SEMA6A: variants seen among roughly 807,000 people sequenced by gnomAD.
The protein encoded by SEMA6A is semaphorin 6A, also known as semaphorin-6A.
A neutral mutation model predicts 96.8 loss-of-function variants in SEMA6A; 25 were observed. The ratio of observed to expected loss-of-function variants is 0.26; its 90% CI spans 0.19 to 0.36. The LOEUF (loss-of-function observed/expected upper bound fraction) is 0.36. SEMA6A is among the 10% of genes least tolerant of loss of function. SEMA6A has a pLI of 1.00. For missense variants in SEMA6A, 1,363 were observed against 1,323.1 expected (o/e 1.03, Z -0.47); for synonymous variants, 612 against 518.0 (o/e 1.18, Z -2.46).
chr5:116,484,281 AG>A (rs1756932966), intron 10 of SEMA6A, among the ~76,000 whole-genome samples: 1 of 152,188 alleles, frequency 6.6e-6, no homozygotes, highest in South Asian at 2.1e-4. Flanking sequence ...AAGATATCCT[AG>A]GGTTTCGTAG....
chr5:116,490,633 G>A (rs1236113695), intron 7 of SEMA6A, among the ~76,000 whole-genome samples: 2 of 152,162 alleles, frequency 1.3e-5, no homozygotes, highest in Non-Finnish European at 2.9e-5. Flanking sequence ...GAGAACCCGA[G>A]GAACCTGCCC....
At chr5:116,456,188 T>C (rs1309992550) in intron 18 of SEMA6A, among the ~76,000 whole-genome samples, 1 of 152,182 alleles carries the variant, frequency 6.6e-6, no homozygotes, top group African/African-American at 2.4e-5. Context: ...GTGGAAAATG[T>C]CTGAATCAGT....
chr5:116,496,733 A>G (rs899166068), intron 4 of SEMA6A, among the ~76,000 whole-genome samples: 5 of 152,244 alleles, frequency 3.3e-5, no homozygotes, highest in African/African-American at 4.8e-5. Context: ...TCATTTTCTT[A>G]AACATAAAGA....
chr5:116,486,396 GTATAA>G (rs1757050024), intron 10 of SEMA6A, among the ~76,000 whole-genome samples: 1 of 152,104 alleles, frequency 6.6e-6, no homozygotes, highest in African/African-American at 2.4e-5. Flanking sequence ...AGACCAGGTA[GTATAA>G]TATGTCGAGC....
intron 9 of SEMA6A, 190 bp from the exon 10 acceptor site, chr5:116,487,156 T>C (rs983326853): frequency 1.8e-6 from 1 of 565,028 alleles, no homozygotes; most frequent in African/African-American, 1.9e-5. Flanking sequence ...TAGCATGTTT[T>C]AAAAGATAAG....
At position 116,444,503 on chromosome 5, in the gene SEMA6A, T is replaced by G. The variant is rs910878373; in HGVS notation, c.*2110A>C. 1 of 151,880 alleles carries G rather than the reference T, an allele frequency of 6.6e-6. No homozygotes were observed. Among genetic ancestry groups the G allele is most frequent in the Non-Finnish European group, 1.5e-5 (1 of 67,846 alleles). 9.4% of individuals were successfully genotyped at this position (151,880 alleles called of 1,614,324 possible). A position where few individuals can be genotyped will look rare whatever the true frequency, so the allele number is the denominator to read the frequency against. On this transcript the variant is annotated 3_prime_UTR_variant, in exon 19 of 19. Coordinates refer to ENST00000343348, the MANE Select transcript of SEMA6A (RefSeq NM_020796.5). ...CAAAGAGACCACCAAATATACTGTT[T>G]AAAAAAACAACAACAACACTGCTCA...
At chr5:116,475,009 A>G (rs592391) in intron 16 of SEMA6A, among the ~76,000 whole-genome samples, 61,872 of 151,970 alleles carry the variant, frequency 0.41, 13,498 homozygotes, top group African/African-American at 0.55. Flanking sequence ...ATTCCTATAA[A>G]AAGATTATTT....
At chr5:116,491,935 C>T in intron 6 of SEMA6A, 105 bp from the exon 7 acceptor site, 1 of 897,348 alleles carries the variant, frequency 1.1e-6, no homozygotes, top group Non-Finnish European at 1.8e-6. Flanking sequence ...AATCTGTAAT[C>T]ACTTTGAGAT....
intron 3 of SEMA6A, 36 bp downstream of exon 3, chr5:116,502,174 C>G (rs1757914515): frequency 6.4e-7 from 1 of 1,551,562 alleles, no homozygotes; most frequent in Non-Finnish European, 8.9e-7. Flanking sequence ...GGCTTTTGGA[C>G]ACTCTCAAGG....
intron 1 of SEMA6A, among the ~76,000 whole-genome samples, chr5:116,505,522 G>A (rs1017953248): frequency 7.9e-5 from 12 of 151,250 alleles, no homozygotes; most frequent in Non-Finnish European, 1.6e-4. Flanking sequence ...TCCATTACCT[G>A]CTTGACTTCT....
chr5:116,489,050 C>T, intron 7 of SEMA6A, 43 bp from the exon 8 acceptor site: 4 of 1,528,782 alleles, frequency 2.6e-6, no homozygotes, highest in Middle Eastern at 1.9e-4. Flanking sequence ...GGGAGCAAGT[C>T]AGTGGGGGTG....
At chr5:116,514,156 G>T (rs917815601) in intron 1 of SEMA6A, among the ~76,000 whole-genome samples, 1 of 152,064 alleles carries the variant, frequency 6.6e-6, no homozygotes, top group Non-Finnish European at 1.5e-5. Flanking sequence ...ACCCAGTAAC[G>T]AGATTGCTGG....
chr5:116,478,907 G>A (rs965663003), intron 12 of SEMA6A, among the ~76,000 whole-genome samples, 189 bp from the exon 13 acceptor site: 1 of 148,320 alleles, frequency 6.7e-6, no homozygotes, highest in Admixed American at 6.9e-5. Flanking sequence ...TGGCTCCAAA[G>A]GGGAGGAAGG....
chr5:116,549,360 G>A (rs1760309963), intron 1 of SEMA6A, among the ~76,000 whole-genome samples: 2 of 152,146 alleles, frequency 1.3e-5, no homozygotes, highest in African/African-American at 2.4e-5. Flanking sequence ...ATTAGAAGCA[G>A]GAGGATCTTG....
chr5:116,475,475 T>C (rs1197307722), intron 16 of SEMA6A, 70 bp downstream of exon 16: 6 of 1,047,840 alleles, frequency 5.7e-6, no homozygotes, highest in Non-Finnish European at 7.1e-6. Flanking sequence ...ACATGTGAGC[T>C]GATGTTTCTA....
At chr5:116,516,966 T>C (rs926508985) in intron 1 of SEMA6A, among the ~76,000 whole-genome samples, 14 of 152,304 alleles carry the variant, frequency 9.2e-5, no homozygotes, top group African/African-American at 3.1e-4. Flanking sequence ...CTGAGGCTCC[T>C]TAAGTTTAAA....
At chr5:116,549,307 A>T (rs1360696920) in intron 1 of SEMA6A, among the ~76,000 whole-genome samples, 2 of 152,114 alleles carry the variant, frequency 1.3e-5, no homozygotes, top group Non-Finnish European at 2.9e-5. Flanking sequence ...GCGTATGGAG[A>T]GCTCGGCACT....
Position 116,447,002 on chromosome 5 carries a change from T to G in SEMA6A, c.2704A>C (p.Lys902Gln). ...GASLSQTGLSKRLEMHHSSSY... is the reference protein window; with the variant it reads ...GASLSQTGLSQRLEMHHSSSY... ...GAGGAGTGGTGCATTTCCAGCCGCT[T>G]GCTTAGACCGGTCTGAGACAGGGAG... The change falls in exon 19 of 19, where the codon AAG (lysine) becomes CAG (glutamine). Residue 902 changes from lysine to glutamine, a missense_variant. By Grantham distance (53) the Lys-to-Gln change is moderately conservative. Transcript: ENST00000343348. 6.2e-7 allele frequency: 1 copy of G among 1,613,918 alleles called. No individual in the cohort carries two copies. Among genetic ancestry groups the G allele is most frequent in the Non-Finnish European group, 8.5e-7 (1 of 1,179,874 alleles).
intron 1 of SEMA6A, among the ~76,000 whole-genome samples, chr5:116,571,928 C>T (rs999067427): frequency 2.6e-5 from 4 of 152,174 alleles, no homozygotes; most frequent in African/African-American, 9.7e-5. Context: ...GGCATCTTTA[C>T]TTTGGGGAGA....
Sources: allele counts gnomAD v4.1 joint callset (sites outside exome capture counted in the v4.1 genomes callset), GRCh38; gene constraint gnomAD v4.1.1; transcripts MANE v1.5; gene names NCBI Gene and HGNC (gene_info 2026-07-23, HGNC 2026-07-21).